CDIN1: variants seen among roughly 807,000 people sequenced by gnomAD.
The protein encoded by CDIN1 is CDAN1 interacting nuclease 1.
CDIN1 carries 33 observed loss-of-function variants against 45.3 expected under a neutral mutation model. That is an observed-to-expected ratio of 0.73 (90% CI 0.55 to 0.97). The LOEUF (loss-of-function observed/expected upper bound fraction) is 0.97. CDIN1 is among the 50% of genes least tolerant of loss of function. The pLI is 0.00. For synonymous variants in CDIN1, 118 were observed against 124.4 expected (o/e 0.95, Z 0.34); for missense variants, 303 against 339.4 (o/e 0.89, Z 0.84).
chr15:36,622,312 G>T lies in CDIN1; in HGVS notation c.102-21966G>T, dbSNP rs1424966587. Reference sequence around the variant, plus strand: ...CGGGCTTGAGGGAGGGGTGGGGACAGTTGGATCTGCTCTTCTCTGCTCTTT... The same window carrying T: ...CGGGCTTGAGGGAGGGGTGGGGACATTTGGATCTGCTCTTCTCTGCTCTTT... On this transcript the variant is annotated intron_variant, in intron 1 of 10. Transcript: ENST00000566621. 2.6e-5 allele frequency among the ~76,000 whole-genome samples: 4 copies of T among 152,278 alleles called. No homozygotes were observed. The East Asian group carries it at 5.8e-4, about 22-fold the overall frequency.
intron 1 of CDIN1, among the ~76,000 whole-genome samples, chr15:36,621,307 C>T (rs953590642): frequency 6.6e-6 from 1 of 152,146 alleles, no homozygotes; most frequent in Non-Finnish European, 1.5e-5. Context: ...CACCTTCCAA[C>T]TCTAAGTTAA....
chr15:36,680,468 A>T (rs2041811478), intron 5 of CDIN1, among the ~76,000 whole-genome samples: 1 of 152,214 alleles, frequency 6.6e-6, no homozygotes, highest in Non-Finnish European at 1.5e-5. Flanking sequence ...AAAAGATAGA[A>T]ATGATAGACA....
At chr15:36,599,293 T>G (rs1288017281) in intron 1 of CDIN1, among the ~76,000 whole-genome samples, 1 of 152,188 alleles carries the variant, frequency 6.6e-6, no homozygotes, top group African/African-American at 2.4e-5. Context: ...TACTTAACAC[T>G]AAATGAAAGT....
intron 10 of CDIN1, among the ~76,000 whole-genome samples, chr15:36,800,938 T>TATATATATATATAC: frequency 1.6e-5 from 2 of 127,946 alleles, no homozygotes; most frequent in South Asian, 5.2e-4. Context: ...TATATATATA[T>TATATATATATATAC]ATATATGATT....
chr15:36,696,811 A>G (rs1283058636), intron 7 of CDIN1, among the ~76,000 whole-genome samples: 1 of 152,106 alleles, frequency 6.6e-6, no homozygotes, highest in African/African-American at 2.4e-5. Context: ...GCCAAAATAT[A>G]TATAAAAATT....
intron 5 of CDIN1, among the ~76,000 whole-genome samples, chr15:36,677,190 C>T (rs546467743): frequency 6.6e-6 from 1 of 152,162 alleles, no homozygotes; most frequent in East Asian, 1.9e-4. Flanking sequence ...AGCAGCTTGC[C>T]AAATACCCTG....
chr15:36,662,767 T>A (rs2041065756), intron 5 of CDIN1, among the ~76,000 whole-genome samples: 2 of 152,118 alleles, frequency 1.3e-5, no homozygotes. Flanking sequence ...GAACTCATAG[T>A]TTAGTGGAAT....
At chr15:36,761,346 C>G (rs947969030) in intron 10 of CDIN1, among the ~76,000 whole-genome samples, 1 of 152,204 alleles carries the variant, frequency 6.6e-6, no homozygotes, top group Admixed American at 6.5e-5. Flanking sequence ...AATGTTGTCA[C>G]AGACCTTATT....
chr15:36,805,151 G>A lies in CDIN1; in HGVS notation c.717-3173G>A, dbSNP rs184067798. On this transcript the variant is annotated intron_variant, in intron 10 of 10. Coordinates refer to ENST00000566621, the MANE Select transcript of CDIN1 (RefSeq NM_001321759.2). The stretch of plus-strand genomic sequence containing the variant: ...TGCAAGCAAAATTACTTATTCAAAC[G>A]TCATTCACATTCTAGTCGCTGCTTC... Among the ~76,000 whole-genome samples, 14 of 152,166 alleles carry A rather than the reference G, an allele frequency of 9.2e-5. No individual in the cohort carries two copies. In the East Asian group the frequency reaches 1.4e-3, roughly 15 times the overall value.
At position 36,808,922 on chromosome 15, in the gene CDIN1, C is replaced by G. The variant is rs1025881865; in HGVS notation, c.*469C>G. 2.2e-6 allele frequency: 1 copy of G among 456,134 alleles called. No homozygotes were observed. Among genetic ancestry groups the G allele is most frequent in the Admixed American group, 2.4e-5 (1 of 42,534 alleles). 28.3% of individuals were successfully genotyped at this position (456,134 alleles called of 1,614,324 possible). A position where few individuals can be genotyped will look rare whatever the true frequency, so the allele number is the denominator to read the frequency against. ...CTCACAGAGACCCAGCATTGCATTA[C>G]CATCGTGGAATAATCTAGCGCAAAC... is the stretch of plus-strand genomic sequence containing the variant. On this transcript the variant is annotated 3_prime_UTR_variant, in exon 11 of 11. Coordinates refer to ENST00000566621, the MANE Select transcript of CDIN1 (RefSeq NM_001321759.2).
intron 1 of CDIN1, among the ~76,000 whole-genome samples, chr15:36,623,494 G>A (rs2039292217): frequency 6.6e-6 from 1 of 152,208 alleles, no homozygotes; most frequent in African/African-American, 2.4e-5. Flanking sequence ...AGTGAATGGT[G>A]GATTTTAGGG....
At chr15:36,801,126 T>A (rs1268936167) in intron 10 of CDIN1, among the ~76,000 whole-genome samples, 1 of 150,756 alleles carries the variant, frequency 6.6e-6, no homozygotes, top group Admixed American at 6.6e-5. Context: ...TTGAGAATTG[T>A]TTGTTTCATT....
chr15:36,742,422 G>A (rs370097107), intron 10 of CDIN1, among the ~76,000 whole-genome samples: 1 of 151,860 alleles, frequency 6.6e-6, no homozygotes, highest in African/African-American at 2.4e-5. Context: ...GTGTTTGTTC[G>A]TTAATACACA....
chr15:36,806,097 T>G (rs1192356396), intron 10 of CDIN1, among the ~76,000 whole-genome samples: 1 of 152,176 alleles, frequency 6.6e-6, no homozygotes, highest in Non-Finnish European at 1.5e-5. Context: ...CTCAAAATGT[T>G]CATAGATCTG....
chr15:36,685,012 G>T (rs2041990034), intron 5 of CDIN1, among the ~76,000 whole-genome samples: 2 of 151,912 alleles, frequency 1.3e-5, no homozygotes, highest in Non-Finnish European at 2.9e-5. Context: ...CTATTTTGTG[G>T]ATCTTTTCAA....
At chr15:36,731,829 C>G (rs1449957320) in intron 10 of CDIN1, among the ~76,000 whole-genome samples, 10 of 152,080 alleles carry the variant, frequency 6.6e-5, no homozygotes, top group Non-Finnish European at 1.0e-4. Context: ...ATTTCTTTCC[C>G]AGGATTATTA....
chr15:36,706,350 T>A (rs148830540), intron 8 of CDIN1: 156 of 152,292 alleles, frequency 1.0e-3, no homozygotes, highest in African/African-American at 3.7e-3. Flanking sequence ...TGGTGGCTCA[T>A]GCCTGTAATC....
At chr15:36,702,922 C>T (rs2042695038) in intron 8 of CDIN1, among the ~76,000 whole-genome samples, 2 of 151,182 alleles carry the variant, frequency 1.3e-5, no homozygotes, top group South Asian at 4.2e-4. Flanking sequence ...CAGAAAGGGC[C>T]AGGTGCAGTG....
intron 1 of CDIN1, among the ~76,000 whole-genome samples, chr15:36,603,723 AGG>A (rs1158404242): frequency 6.6e-6 from 1 of 152,190 alleles, no homozygotes; most frequent in African/African-American, 2.4e-5. Context: ...TGTCTTTGGA[AGG>A]GACTTATACT....
Sources: gnomAD v4.1 joint callset for allele counts (sites outside exome capture counted in the v4.1 genomes callset) on GRCh38, gnomAD v4.1.1 for gene constraint, MANE v1.5 for transcripts, NCBI Gene and HGNC (gene_info 2026-07-23, HGNC 2026-07-21) for gene names.